The following SRPK2 variants were observed in gnomAD, a reference collection of about 807,000 sequenced individuals.
SRPK2 encodes the protein SRSF protein kinase 2, also known as SFRS protein kinase 2.
SRPK2 carries 21 observed loss-of-function variants against 90.8 expected under a neutral mutation model. The ratio of observed to expected loss-of-function variants is 0.23; its 90% confidence interval spans 0.16 to 0.33. SRPK2 has a LOEUF of 0.33. Ranked by LOEUF, SRPK2 falls within the 10% of genes least tolerant of loss-of-function variation. The pLI is 1.00. For synonymous variants in SRPK2, 288 were observed against 311.1 expected (o/e 0.93, Z 0.78); for missense variants, 620 against 869.0 (o/e 0.71, Z 3.60).
chr7:105,380,296 T>TA (rs1820789782), intron 2 of SRPK2, among the ~76,000 whole-genome samples: 1 of 151,980 alleles, frequency 6.6e-6, no homozygotes, highest in Non-Finnish European at 1.5e-5. Flanking sequence ...CACTCCCAGC[T>TA]AATTTCTGTA....
chr7:105,141,127 C>A (rs1171443459), intron 11 of SRPK2, among the ~76,000 whole-genome samples: 2 of 152,148 alleles, frequency 1.3e-5, no homozygotes, highest in African/African-American at 4.8e-5. Flanking sequence ...TGACCACGTC[C>A]AGCCAAGTAA....
At chr7:105,200,903 C>A (rs1795461046) in intron 3 of SRPK2, among the ~76,000 whole-genome samples, 1 of 152,198 alleles carries the variant, frequency 6.6e-6, no homozygotes, top group South Asian at 2.1e-4. Context: ...CACTGGGCAA[C>A]TGGCAGTACC....
rs117283425 is a variant in SRPK2, at chr7:105,271,470, T to C, written c.72-67685A>G. Among the ~76,000 whole-genome samples, 87 of 152,370 alleles carry C rather than the reference T, an allele frequency of 5.7e-4. 1 individual carries two copies. The highest frequency in any genetic ancestry group is 1.8e-3 in the African/African-American group (75 of 41,594). On this transcript the variant is annotated intron_variant, in intron 2 of 15. Transcript: ENST00000393651. ...TCAAGGAACGTTAACACTATGATAC[T>C]GTATCCTTTGAGGCCCACATACTCT...
intron 2 of SRPK2, among the ~76,000 whole-genome samples, chr7:105,220,978 T>C (rs1046452320): frequency 6.6e-6 from 1 of 152,240 alleles, no homozygotes; most frequent in Non-Finnish European, 1.5e-5. Context: ...AAATAAATTA[T>C]AAATCATTAC....
chr7:105,258,515 T>G (rs575150863), intron 2 of SRPK2, among the ~76,000 whole-genome samples: 1 of 151,836 alleles, frequency 6.6e-6, no homozygotes, highest in Middle Eastern at 3.4e-3. Context: ...ATATTTGGGA[T>G]GTAAATGACT....
At chr7:105,358,947 G>A (rs1818110107) in intron 2 of SRPK2, among the ~76,000 whole-genome samples, 2 of 151,466 alleles carry the variant, frequency 1.3e-5, no homozygotes, top group South Asian at 4.2e-4. Context: ...GAGAGAGAGA[G>A]AAAGCAAGAG....
intron 2 of SRPK2, among the ~76,000 whole-genome samples, chr7:105,382,291 G>A (rs952412872): frequency 1.1e-4 from 16 of 152,248 alleles, no homozygotes; most frequent in African/African-American, 3.4e-4. Context: ...GGTGGCTCAT[G>A]CCTATAATCC....
intron 2 of SRPK2, among the ~76,000 whole-genome samples, chr7:105,274,789 T>C (rs1806268707): frequency 6.6e-6 from 1 of 152,174 alleles, no homozygotes. Context: ...TATCAAGCTC[T>C]GGTTTTAGTC....
chr7:105,233,091 AGAAGGAAG>A (rs60327841), intron 2 of SRPK2, among the ~76,000 whole-genome samples: 12,393 of 91,760 alleles, frequency 0.14, 843 homozygotes, highest in Admixed American at 0.17. Flanking sequence ...AAGGAAGGAA[AGAAGGAAG>A]GAAGGAAGGA....
At chr7:105,351,804 C>CAAA (rs569215779) in intron 2 of SRPK2, among the ~76,000 whole-genome samples, 1 of 94,684 alleles carries the variant, frequency 1.1e-5, no homozygotes, top group Non-Finnish European at 2.2e-5. Context: ...GACTCCATCT[C>CAAA]AAAAAAAAAA....
intron 2 of SRPK2, among the ~76,000 whole-genome samples, chr7:105,365,840 C>T (rs1456678116): frequency 6.6e-6 from 1 of 151,350 alleles, no homozygotes; most frequent in African/African-American, 2.4e-5. Context: ...GATAGCCTTT[C>T]TCCTCAATGA....
intron 2 of SRPK2, among the ~76,000 whole-genome samples, chr7:105,337,914 G>T (rs1204072): frequency 0.03 from 4,540 of 151,980 alleles, 233 homozygotes; most frequent in African/African-American, 0.1. Context: ...ACAATAATAT[G>T]CCAACTGCTT....
At position 105,324,010 on chromosome 7, in the gene SRPK2, T is replaced by TGTGTGTGTGTGTGGGTGG. The variant is rs950960322; in HGVS notation, c.71+64637_71+64638insCCACCCACACACACACAC. Among the ~76,000 whole-genome samples the TGTGTGTGTGTGTGGGTGG allele has an allele frequency of 3.4e-5, 5 of 148,974 alleles. No individual in the cohort carries two copies. In the East Asian group the frequency reaches 9.9e-4, roughly 30 times the overall value. On this transcript the variant is annotated intron_variant, in intron 2 of 15. Transcript: ENST00000393651. ...GTGTGTGTGTGTGTGTGTGTGTGTG[T>TGTGTGTGTGTGTGGGTGG]GTGTGTGGTGGAGTCTCACATTGTC...
chr7:105,380,181 G>A (rs1820778404), intron 2 of SRPK2, among the ~76,000 whole-genome samples: 1 of 152,346 alleles, frequency 6.6e-6, no homozygotes, highest in East Asian at 1.9e-4. Context: ...GCCCAGGCTG[G>A]CACTAAGTGG....
chr7:105,287,596 T>A (rs1808342319), intron 2 of SRPK2, among the ~76,000 whole-genome samples: 1 of 151,398 alleles, frequency 6.6e-6, no homozygotes, highest in African/African-American at 2.4e-5. Context: ...ATTTGCCAGG[T>A]GTGGTGGCAC....
At chr7:105,284,043 C>T (rs1807700331) in intron 2 of SRPK2, among the ~76,000 whole-genome samples, 1 of 152,102 alleles carries the variant, frequency 6.6e-6, no homozygotes, top group Admixed American at 6.5e-5. Flanking sequence ...TGACAAGTTA[C>T]TTGGGCGTTT....
In SRPK2 at chr7:105,383,052, A is replaced by ATTTTTTTTTTTTTTTTTTTTTTTTTTTT. The variant is rs1563315577; in HGVS notation, c.71+5595_71+5596insAAAAAAAAAAAAAAAAAAAAAAAAAAAA. Among the ~76,000 whole-genome samples, 2 of 105,276 alleles carry ATTTTTTTTTTTTTTTTTTTTTTTTTTTT rather than the reference A, an allele frequency of 1.9e-5. 1 individual carries two copies. The allele number at this position is 105,276 out of a possible 152,430, so 69.1% of individuals were successfully genotyped here. A position where few individuals can be genotyped will look rare whatever the true frequency, so the allele number is the denominator to read the frequency against. On this transcript the variant is annotated intron_variant, in intron 2 of 15. Coordinates refer to ENST00000393651, the MANE Select transcript of SRPK2 (RefSeq NM_182692.3). ...AGTCTGAAATTATTTCAAAAGTAAA[A>ATTTTTTTTTTTTTTTTTTTTTTTTTTTT]ATTTTTTTTTTTTTTTTTTTTTTTT...
chr7:105,201,674 C>T (rs960863598), intron 3 of SRPK2, among the ~76,000 whole-genome samples: 1 of 150,582 alleles, frequency 6.6e-6, no homozygotes, highest in African/African-American at 2.4e-5. Flanking sequence ...GGGGTGGTGA[C>T]ACATGCCTGC....
At chr7:105,198,752 T>C (rs1023165839) in intron 3 of SRPK2, among the ~76,000 whole-genome samples, 1 of 152,214 alleles carries the variant, frequency 6.6e-6, no homozygotes, top group African/African-American at 2.4e-5. Flanking sequence ...ATATATTTCA[T>C]TTAAATCCTC....
Sources: gnomAD v4.1 joint callset for allele counts (sites outside exome capture counted in the v4.1 genomes callset) on GRCh38, gnomAD v4.1.1 for gene constraint, MANE v1.5 for transcripts, NCBI Gene and HGNC (gene_info 2026-07-23, HGNC 2026-07-21) for gene names.